The following ATRX variants were observed in gnomAD, a reference collection of about 807,000 sequenced individuals.
ATRX encodes ATRX chromatin remodeler.
In ATRX, 12 loss-of-function variants were observed where a neutral mutation model predicts 172.6. The observed-to-expected ratio is 0.07, with a 90% CI of 0.04 to 0.11. ATRX has a LOEUF of 0.11. ATRX is among the 10% of genes least tolerant of loss of function. The pLI, the probability that ATRX is intolerant of heterozygous loss-of-function variation, is 1.00. For missense variants in ATRX, 1,368 were observed against 1,767.4 expected (o/e 0.77, Z 4.05); for synonymous variants, 674 against 594.7 (o/e 1.13, Z -1.94).
rs1271714460 is a variant in ATRX, at chrX:77,581,095, C to T, written c.6218-6737G>A. Among the ~76,000 whole-genome samples the T allele has an allele frequency of 2.7e-5, 3 of 110,895 alleles. No homozygotes were observed. In the Admixed American group the frequency reaches 2.9e-4, roughly 11 times the overall value. On this transcript the variant is annotated intron_variant, in intron 27 of 34. Transcript: ENST00000373344. ...AAACAAACAAACAAAAAGGAAGAAA[C>T]TAAACCATACCACTAGAGAAAATCA...
At chrX:77,694,583 A>G (rs1464709338) in intron 5 of ATRX, among the ~76,000 whole-genome samples, 1 of 111,022 alleles carries the variant, frequency 9.0e-6, no homozygotes, top group Non-Finnish European at 1.9e-5. Flanking sequence ...TCATTTGTTG[A>G]TCCCTATGTT....
At chrX:77,578,570 C>T (rs2065712702) in intron 27 of ATRX, among the ~76,000 whole-genome samples, 3 of 112,008 alleles carry the variant, frequency 2.7e-5, no homozygotes, top group South Asian at 7.5e-4. Context: ...AATCGAGGGA[C>T]CCAGTCATGG....
At chrX:77,681,484 G>A (rs2148565411) in intron 9 of ATRX, 36 bp downstream of exon 9, 1 of 1,171,203 alleles carries the variant, frequency 8.5e-7, no homozygotes, top group Non-Finnish European at 1.2e-6. Context: ...AGAGGGGGAA[G>A]TACAAATTAT....
chrX:77,716,323 A>T (rs1339593801), intron 2 of ATRX, among the ~76,000 whole-genome samples: 2,477 of 19,387 alleles, frequency 0.13, 190 homozygotes, highest in Non-Finnish European at 0.16. Flanking sequence ...AAAAAAAAAA[A>T]ATATATATAT....
chrX:77,637,023 G>C (rs2068413814), intron 15 of ATRX, among the ~76,000 whole-genome samples: 1 of 107,346 alleles, frequency 9.3e-6, no homozygotes, highest in Admixed American at 9.9e-5. Flanking sequence ...GGAGGAGGAA[G>C]AAGAAGGAAG....
Position 77,683,234 on chromosome X carries a change from T to C in ATRX, c.2022A>G (p.Thr674=), listed in dbSNP as rs1301218316. Residue 674 remains threonine, a synonymous_variant, in exon 9 of 35, where the codon ACA becomes ACG. Coordinates refer to ENST00000373344, the MANE Select transcript of ATRX (RefSeq NM_000489.6). ...CATTACATTCTTCATCTGAATTAGATGTTACAGGGTTAGTTTCTGTCGGTC... is the reference window on the plus strand; with the variant it reads ...CATTACATTCTTCATCTGAATTAGACGTTACAGGGTTAGTTTCTGTCGGTC... ...LRRPTETNPV[T]SNSDEECNET... 1 of 1,209,600 alleles carries C rather than the reference T, an allele frequency of 8.3e-7. No individual in the cohort carries two copies. The highest frequency in any genetic ancestry group is 1.1e-6 in the Non-Finnish European group (1 of 894,946).
Position 77,522,351 on chromosome X carries a change from T to C in ATRX, c.6887A>G (p.Asn2296Ser), listed in dbSNP as rs782274478. ...AGAGTTGAAACTGACAGGGGGTAAA[T>C]TGGTCCCAGTTGGTATGTTGAAACG... is the stretch of plus-strand genomic sequence containing the variant. ...TMRFNIPTGT[N>S]LPPVSFNSQT... The change falls in exon 32 of 35, where the codon AAT (asparagine) becomes AGT (serine). Residue 2296 changes from asparagine (N) to serine (S), a missense_variant. By Grantham distance (46) the Asn-to-Ser change is conservative. Coordinates refer to ENST00000373344, the MANE Select transcript of ATRX (RefSeq NM_000489.6). 1.3e-5 allele frequency: 16 copies of C among 1,208,074 alleles called. No homozygotes were observed. Among genetic ancestry groups the C allele is most frequent in the African/African-American group, 5.3e-5 (3 of 56,948 alleles).
chrX:77,600,835 G>A (rs2066646101), intron 22 of ATRX: 1 of 234,572 alleles, frequency 4.3e-6, no homozygotes, highest in Non-Finnish European at 7.7e-6. Context: ...ATATGCACAG[G>A]TTTAATAAAT....
At chrX:77,543,288 T>G (rs782165208) in intron 30 of ATRX, among the ~76,000 whole-genome samples, 2 of 111,762 alleles carry the variant, frequency 1.8e-5, no homozygotes, top group African/African-American at 6.5e-5. Flanking sequence ...AATGGCGATC[T>G]TTAAAAAGTC....
chrX:77,531,785 A>G (rs1557046472), intron 30 of ATRX, among the ~76,000 whole-genome samples: 1 of 111,833 alleles, frequency 8.9e-6, no homozygotes, highest in Admixed American at 9.5e-5. Context: ...TGGCCAGGGC[A>G]ATCAGGCAAG....
At position 77,506,995 on chromosome X, in the gene ATRX, C is replaced by T; in HGVS notation, c.*1356G>A. 1 of 160,752 alleles carries T rather than the reference C, an allele frequency of 6.2e-6. No individual in the cohort carries two copies. Among genetic ancestry groups the T allele is most frequent in the Non-Finnish European group, 1.2e-5 (1 of 86,501 alleles). 13.2% of individuals were successfully genotyped at this position (160,752 alleles called of 1,213,427 possible). ...ATGGTTCTGCCATGTTGAGTTGACT[C>T]CCATAGTCAAAAACAATGTTTTCTT... On this transcript the variant is annotated 3_prime_UTR_variant, in exon 35 of 35. Transcript: ENST00000373344.
At chrX:77,729,761 C>T (rs1439127884) in intron 1 of ATRX, among the ~76,000 whole-genome samples, 7 of 110,640 alleles carry the variant, frequency 6.3e-5, no homozygotes. Context: ...ATGGTGAAAT[C>T]CCATCTCTAC....
At chrX:77,620,579 T>G (rs376128253) in intron 19 of ATRX, 47 bp from the exon 20 acceptor site, 1 of 1,065,078 alleles carries the variant, frequency 9.4e-7, no homozygotes, top group African/African-American at 1.9e-5. Flanking sequence ...ATAATAAAAC[T>G]GAAAATGTGA....
chrX:77,608,936 G>A (rs947411468), intron 22 of ATRX, among the ~76,000 whole-genome samples: 1 of 112,090 alleles, frequency 8.9e-6, no homozygotes, highest in Non-Finnish European at 1.9e-5. Context: ...CAAAAGATCT[G>A]AGTAGACATT....
intron 34 of ATRX, among the ~76,000 whole-genome samples, chrX:77,515,286 T>C (rs1303004862): frequency 9.0e-6 from 1 of 111,134 alleles, no homozygotes; most frequent in Non-Finnish European, 1.9e-5. Context: ...TCTATTATAA[T>C]GACACACGTA....
At position 77,538,470 on chromosome X, in the gene ATRX, G is replaced by A. The variant is rs782007737; in HGVS notation, c.6700-15069C>T. The stretch of plus-strand genomic sequence containing the variant: ...TAATAGACACTAGAGACTCCAAAAG[G>A]TGGGAGGGTAGGAGGGAGATGAGGG... On this transcript the variant is annotated intron_variant, in intron 30 of 34. Transcript: ENST00000373344. Among the ~76,000 whole-genome samples the A allele has an allele frequency of 1.2e-4, 13 of 110,961 alleles. No homozygotes were observed. The South Asian group carries it at 5.0e-3, about 43-fold the overall frequency.
intron 30 of ATRX, among the ~76,000 whole-genome samples, chrX:77,530,447 A>G (rs1212348745): frequency 9.1e-6 from 1 of 110,360 alleles, no homozygotes; most frequent in African/African-American, 3.3e-5. Flanking sequence ...TCTCTACTAA[A>G]AAATACAAAA....
At chrX:77,619,181 G>A (rs1280026518) in intron 20 of ATRX, among the ~76,000 whole-genome samples, 200 bp from the exon 21 acceptor site, 1 of 111,276 alleles carries the variant, frequency 9.0e-6, no homozygotes, top group Non-Finnish European at 1.9e-5. Context: ...GAAAATTGAA[G>A]TAAAAACCAT....
At chrX:77,704,182 C>T (rs1226402373) in intron 2 of ATRX, among the ~76,000 whole-genome samples, 6 of 110,510 alleles carry the variant, frequency 5.4e-5, no homozygotes, top group African/African-American at 1.3e-4. Context: ...GCAGGAAAGT[C>T]GACCCATCGT....
Sources: gnomAD v4.1 joint callset for allele counts (sites outside exome capture counted in the v4.1 genomes callset) on GRCh38, gnomAD v4.1.1 for gene constraint, MANE v1.5 for transcripts, NCBI Gene and HGNC (gene_info 2026-07-23, HGNC 2026-07-21) for gene names.